NDEL1: variants seen among roughly 807,000 people sequenced by gnomAD.
NDEL1 encodes the protein nuclear distribution protein nudE-like 1.
In NDEL1, 9 loss-of-function variants were observed where a neutral mutation model predicts 45.7. The ratio of observed to expected loss-of-function variants is 0.20; its 90% confidence interval spans 0.12 to 0.34. The LOEUF is 0.34. Ranked by LOEUF, NDEL1 falls within the 10% of genes least tolerant of loss-of-function variation. The probability of loss-of-function intolerance (pLI) is 1.00; values close to 1 mark genes in which losing one functional copy is unlikely to be tolerated. For synonymous variants in NDEL1, 133 were observed against 158.6 expected (o/e 0.84, Z 1.21); for missense variants, 306 against 406.2 (o/e 0.75, Z 2.12).
At position 8,444,333 on chromosome 17, in the gene NDEL1, A is replaced by G; in HGVS notation, c.62A>G (p.Glu21Gly). 1 of 1,612,918 alleles carries G rather than the reference A, an allele frequency of 6.2e-7. No homozygotes were observed. Among genetic ancestry groups the G allele is most frequent in the South Asian group, 1.1e-5 (1 of 90,938 alleles). Residue 21 changes from glutamate to glycine, a missense_variant, in exon 2 of 9, where the codon GAA (glutamate) becomes GGA (glycine). Physicochemically the swap from Glu to Gly is moderately conservative, Grantham distance 98. This residue lies in a region of NDEL1 where 112 missense variants were observed against 148.3 expected (regional missense o/e 0.76). Transcript: ENST00000334527. ...SLKEETAYWK[E>G]LSLKYKQSFQ... ...AAGGAGGAAACTGCTTATTGGAAGG[A>G]ACTTTCCTTGAAGTATAAGCAAAGG...
intron 7 of NDEL1, among the ~76,000 whole-genome samples, chr17:8,455,515 C>A (rs570171228): frequency 7.2e-5 from 11 of 152,168 alleles, no homozygotes; most frequent in Admixed American, 2.0e-4. Context: ...TGGTGAAACC[C>A]TGTCTCTACT....
intron 5 of NDEL1, 152 bp from the exon 6 acceptor site, chr17:8,450,628 C>A: frequency 1.5e-6 from 1 of 682,750 alleles, no homozygotes; most frequent in Non-Finnish European, 2.3e-6. Flanking sequence ...TTTTTATTCC[C>A]CTAGAAATGA....
Position 8,424,760 on chromosome 17 carries a change from T to C in NDEL1, c.-13+11491T>C, listed in dbSNP as rs1908788107. Among the ~76,000 whole-genome samples the C allele has an allele frequency of 2.0e-5, 3 of 152,332 alleles. No homozygotes were observed. In the Middle Eastern group the frequency reaches 0.01, roughly 518 times the overall value. On this transcript the variant is annotated intron_variant, in intron 1 of 4. Coordinates refer to the NDEL1 transcript ENST00000582812. ...ACCTCGTGATCCACCCGCCTTGGCC[T>C]CCCAAAGTGCTGGGATTACAGGCGT...
intron 1 of NDEL1, among the ~76,000 whole-genome samples, chr17:8,440,145 C>CA (rs1909632566): frequency 6.6e-6 from 1 of 152,076 alleles, no homozygotes; most frequent in Non-Finnish European, 1.5e-5. Flanking sequence ...TTAGAGGGGC[C>CA]AATAAGCGGG....
chr17:8,436,051 C>G lies in NDEL1; in HGVS notation c.-13+6C>G. The G allele has an allele frequency of 2.3e-6, 1 of 435,894 alleles. No individual in the cohort carries two copies. Among genetic ancestry groups the G allele is most frequent in the South Asian group, 1.6e-5 (1 of 62,648 alleles). The allele number at this position is 435,894 out of a possible 1,614,324, so 27.0% of individuals were successfully genotyped here. ...GCGCTTTTGACACATTGGAGGTGAG[C>G]CTGCAGCGCGGGGCCGCTCCCTAAG... On this transcript the variant is annotated splice_donor_region_variant and intron_variant, in intron 1 of 8. Coordinates refer to ENST00000334527, the MANE Select transcript of NDEL1 (RefSeq NM_030808.5).
At chr17:8,442,495 C>T (rs939135063) in intron 1 of NDEL1, among the ~76,000 whole-genome samples, 17 of 152,224 alleles carry the variant, frequency 1.1e-4, no homozygotes, top group African/African-American at 4.1e-4. Flanking sequence ...TGGCTCACTG[C>T]AGCCTCAAAA....
chr17:8,416,034 A>G (rs1908540067), intron 1 of NDEL1, among the ~76,000 whole-genome samples: 1 of 152,204 alleles, frequency 6.6e-6, no homozygotes, highest in Non-Finnish European at 1.5e-5. Flanking sequence ...GGCATGAGCC[A>G]CCGCGCCTGG....
intron 1 of NDEL1, among the ~76,000 whole-genome samples, chr17:8,426,038 C>G (rs1396980754): frequency 6.6e-6 from 1 of 152,204 alleles, no homozygotes; most frequent in Admixed American, 6.5e-5. Flanking sequence ...GATCCTCCCA[C>G]CTTAGCCTCC....
chr17:8,418,574 CG>C (rs1908608389), intron 1 of NDEL1, among the ~76,000 whole-genome samples: 1 of 152,056 alleles, frequency 6.6e-6, no homozygotes, highest in South Asian at 2.1e-4. Context: ...TAGGGCAGGA[CG>C]ACTGTTAAAT....
At chr17:8,415,469 C>G (rs1423013598) in intron 1 of NDEL1, among the ~76,000 whole-genome samples, 3 of 139,536 alleles carry the variant, frequency 2.1e-5, no homozygotes, top group African/African-American at 8.4e-5. Context: ...GGGTCTCACT[C>G]TGTTGCCCAG....
Position 8,435,944 on chromosome 17 carries a change from G to C in NDEL1, c.-114G>C, listed in dbSNP as rs1049808304. 1 of 449,276 alleles carries C rather than the reference G, an allele frequency of 2.2e-6. No individual in the cohort carries two copies. The highest frequency in any genetic ancestry group is 2.1e-5 in the African/African-American group (1 of 48,748). 27.8% of individuals were successfully genotyped at this position (449,276 alleles called of 1,614,324 possible). On this transcript the variant is annotated 5_prime_UTR_variant, in exon 1 of 9. Transcript: ENST00000334527. The stretch of plus-strand genomic sequence containing the variant: ...GGTACGCTGAGTGGAGCTCGGGGCT[G>C]CGTAGGGGAGCTGAGCCGAGCGGCT...
intron 1 of NDEL1, among the ~76,000 whole-genome samples, chr17:8,423,905 A>AT (rs1369290833): frequency 6.6e-6 from 1 of 152,212 alleles, no homozygotes; most frequent in Non-Finnish European, 1.5e-5. Context: ...TTTTAAAAAA[A>AT]TTTTAACAGA....
At chr17:8,459,068 G>T (rs189335876) in intron 7 of NDEL1, among the ~76,000 whole-genome samples, 4 of 152,140 alleles carry the variant, frequency 2.6e-5, no homozygotes, top group Non-Finnish European at 4.4e-5. Flanking sequence ...ATTGAAATGT[G>T]GGGGGAGGAG....
At chr17:8,439,514 A>G (rs1226859153) in intron 1 of NDEL1, among the ~76,000 whole-genome samples, 5 of 151,654 alleles carry the variant, frequency 3.3e-5, no homozygotes, top group Non-Finnish European at 5.9e-5. Context: ...TCAGCCTCCC[A>G]AAGTGCTAGG....
Position 8,435,929 on chromosome 17 carries a change from G to A in NDEL1, c.-129G>A. ...GGAGCCGGGCGCGGAGGTACGCTGA[G>A]TGGAGCTCGGGGCTGCGTAGGGGAG... On this transcript the variant is annotated 5_prime_UTR_variant, in exon 1 of 9. In the 5' UTR this introduces an upstream ATG that the reference lacks. Coordinates refer to ENST00000334527, the MANE Select transcript of NDEL1 (RefSeq NM_030808.5). The A allele has an allele frequency of 2.2e-6, 1 of 448,910 alleles. No individual in the cohort carries two copies. Among genetic ancestry groups the A allele is most frequent in the Non-Finnish European group, 4.5e-6 (1 of 223,474 alleles). 27.8% of individuals were successfully genotyped at this position (448,910 alleles called of 1,614,324 possible).
Position 8,446,881 on chromosome 17 carries a change from A to ACGACCTGGAG in NDEL1, c.372_381dup (p.Ala128ProfsTer16). 1 of 1,614,158 alleles carries ACGACCTGGAG rather than the reference A, an allele frequency of 6.2e-7. No individual in the cohort carries two copies. Among genetic ancestry groups the ACGACCTGGAG allele is most frequent in the Non-Finnish European group, 8.5e-7 (1 of 1,180,018 alleles). On this transcript the variant is annotated frameshift_variant, in exon 4 of 9. Transcript: ENST00000334527. LOFTEE classifies it high-confidence loss of function. Reference sequence around the variant, plus strand: ...GTGAGAGAGCTGGAGCAGGCCAACGACGACCTGGAGCGAGCCAAAAGGTAA... The same window carrying ACGACCTGGAG: ...GTGAGAGAGCTGGAGCAGGCCAACGACGACCTGGAGCGACCTGGAGCGAGCCAAAAGGTAA...
chr17:8,450,367 A>G (rs1910409558), intron 5 of NDEL1, among the ~76,000 whole-genome samples: 1 of 152,232 alleles, frequency 6.6e-6, no homozygotes, highest in Admixed American at 6.5e-5. Flanking sequence ...TCTAAAAGTA[A>G]ATATTTCATA....
intron 1 of NDEL1, among the ~76,000 whole-genome samples, chr17:8,441,209 G>A (rs1048782476): frequency 6.6e-6 from 1 of 152,104 alleles, no homozygotes; most frequent in Non-Finnish European, 1.5e-5. Context: ...GTAATCTAGG[G>A]GCAATACAAA....
chr17:8,432,475 C>G (rs1251311752), upstream of NDEL1, among the ~76,000 whole-genome samples: 1 of 150,690 alleles, frequency 6.6e-6, no homozygotes, highest in East Asian at 1.9e-4. Context: ...AGCTCCGCCT[C>G]CCGGGTTCAT....
Sources: allele counts gnomAD v4.1 joint callset (sites outside exome capture counted in the v4.1 genomes callset), GRCh38; gene constraint gnomAD v4.1.1; regional missense constraint gnomAD v4.1.1; transcripts MANE v1.5; gene names NCBI Gene and HGNC (gene_info 2026-07-23, HGNC 2026-07-21).